Variants in ATG7 observed in about 807,000 individuals in gnomAD.
The protein encoded by ATG7 is autophagy related 7.
ATG7 carries 70 observed loss-of-function variants against 82.4 expected under a neutral mutation model. That is an observed-to-expected ratio of 0.85 (90% CI 0.70 to 1.04). The LOEUF (loss-of-function observed/expected upper bound fraction) is 1.04. Among genes scored for constraint, ATG7 ranks in the 50% least tolerant of loss-of-function variants. The pLI, the probability that ATG7 is intolerant of heterozygous loss-of-function variation, is 0.00. For synonymous variants in ATG7, 287 were observed against 313.0 expected, an observed-to-expected ratio of 0.92 and a Z score of 0.88; for missense variants, 792 against 864.3, an observed-to-expected ratio of 0.92 and a Z score of 1.05.
intron 13 of ATG7, 90 bp downstream of exon 13, chr3:11,342,369 C>T: frequency 7.0e-7 from 1 of 1,438,170 alleles, no homozygotes; most frequent in Admixed American, 2.3e-5. Context: ...CATCTCCCAG[C>T]TCCCCATCCC....
intron 20 of ATG7, among the ~76,000 whole-genome samples, chr3:11,471,845 C>G (rs1414440554): frequency 2.1e-5 from 3 of 143,722 alleles, no homozygotes; most frequent in Non-Finnish European, 4.5e-5. Context: ...TCAAGCGATT[C>G]TCCTGCCTCA....
chr3:11,445,508 C>T (rs1559640079), intron 20 of ATG7, among the ~76,000 whole-genome samples: 1 of 152,076 alleles, frequency 6.6e-6, no homozygotes, highest in Non-Finnish European at 1.5e-5. Flanking sequence ...ATGGGAACAA[C>T]ACACACTAGG....
intron 9 of ATG7, among the ~76,000 whole-genome samples, chr3:11,319,116 A>G (rs1949860158): frequency 6.6e-6 from 1 of 152,198 alleles, no homozygotes; most frequent in South Asian, 2.1e-4. Flanking sequence ...GAGGAAAGAG[A>G]GAGAATTGTG....
chr3:11,377,741 A>G (rs560214253), intron 18 of ATG7, among the ~76,000 whole-genome samples: 1 of 152,326 alleles, frequency 6.6e-6, no homozygotes, highest in African/African-American at 2.4e-5. Context: ...AACTTAATAT[A>G]AAAGTAATTG....
intron 19 of ATG7, among the ~76,000 whole-genome samples, chr3:11,380,660 G>A (rs529344020): frequency 6.6e-6 from 1 of 152,300 alleles, no homozygotes; most frequent in African/African-American, 2.4e-5. Context: ...ATTTTTACAT[G>A]CACACTGTAT....
intron 20 of ATG7, among the ~76,000 whole-genome samples, chr3:11,459,338 T>A (rs1245147565): frequency 2.0e-5 from 3 of 152,212 alleles, no homozygotes; most frequent in Non-Finnish European, 4.4e-5. Flanking sequence ...CTCAGACATA[T>A]GTCTTGGCTG....
At chr3:11,519,219 A>G (rs1472250512) in intron 20 of ATG7, among the ~76,000 whole-genome samples, 2 of 152,184 alleles carry the variant, frequency 1.3e-5, no homozygotes, top group African/African-American at 2.4e-5. Flanking sequence ...CCATGTTTAT[A>G]CCAATGAGTT....
chr3:11,348,140 T>G, intron 14 of ATG7, 105 bp downstream of exon 14: 1 of 1,439,340 alleles, frequency 6.9e-7, no homozygotes, highest in Non-Finnish European at 9.4e-7. Flanking sequence ...TATCTGTCAC[T>G]TTCTACCAGC....
chr3:11,486,871 G>A (rs1304967499), intron 20 of ATG7, among the ~76,000 whole-genome samples: 1 of 139,426 alleles, frequency 7.2e-6, no homozygotes, highest in Non-Finnish European at 1.5e-5. Flanking sequence ...ATTCTTGGGT[G>A]TTTCTCACAG....
intron 18 of ATG7, among the ~76,000 whole-genome samples, chr3:11,377,298 C>T (rs1328591242): frequency 6.6e-6 from 1 of 152,202 alleles, no homozygotes; most frequent in Non-Finnish European, 1.5e-5. Flanking sequence ...TCCTCACACA[C>T]ATATTATTCT....
intron 20 of ATG7, chr3:11,488,239 G>A (rs1342107118): frequency 4.9e-5 from 11 of 224,120 alleles, no homozygotes; most frequent in Non-Finnish European, 7.9e-5. Context: ...CTTCCCAGAC[G>A]GGGTGGCGGC....
rs6806800 is a variant in ATG7 at position 11,390,042 on chromosome 3, G to T, written c.1956+9990G>T. Among the ~76,000 whole-genome samples, 1,521 of 152,330 alleles carry T rather than the reference G, an allele frequency of 1.0e-2. 28 individuals carry two copies. The highest frequency in any genetic ancestry group is 0.032 in the African/African-American group (1,331 of 41,566). ...ACCTTGAAGGGAGAGGGTAACGAAA[G>T]TGGGGATTGAGGCAAGTGGTAATTA... is the stretch of plus-strand genomic sequence containing the variant. On this transcript the variant is annotated intron_variant, in intron 19 of 20. Coordinates refer to ENST00000693202, the MANE Select transcript of ATG7 (RefSeq NM_001349232.2).
intron 1 of ATG7, among the ~76,000 whole-genome samples, chr3:11,276,187 G>T (rs1941754128): frequency 6.6e-6 from 1 of 152,004 alleles, no homozygotes. Context: ...GCTCCACTAA[G>T]TTGCAGCCAT....
At chr3:11,372,148 A>G (rs1323358518) in intron 18 of ATG7, among the ~76,000 whole-genome samples, 1 of 151,244 alleles carries the variant, frequency 6.6e-6, no homozygotes, top group Non-Finnish European at 1.5e-5. Flanking sequence ...TTTCCACTCA[A>G]AGTGCTTGGC....
intron 14 of ATG7, among the ~76,000 whole-genome samples, chr3:11,354,431 C>T (rs1427854187): frequency 6.6e-6 from 1 of 151,966 alleles, no homozygotes; most frequent in East Asian, 1.9e-4. Context: ...GGGTGGATCA[C>T]GAAGTCAAGA....
intron 2 of ATG7, among the ~76,000 whole-genome samples, chr3:11,281,921 T>G (rs1417725350): frequency 1.3e-5 from 2 of 152,104 alleles, no homozygotes; most frequent in Non-Finnish European, 2.9e-5. Flanking sequence ...ACCACAGAGA[T>G]GTAATTATTT....
chr3:11,297,319 C>T (rs1400291552), intron 3 of ATG7, among the ~76,000 whole-genome samples: 1 of 152,182 alleles, frequency 6.6e-6, no homozygotes, highest in African/African-American at 2.4e-5. Flanking sequence ...GATTGTGCCA[C>T]TGTACTGTAG....
At chr3:11,286,205 TA>T (rs1395027174) in intron 3 of ATG7, among the ~76,000 whole-genome samples, 1 of 152,230 alleles carries the variant, frequency 6.6e-6, no homozygotes, top group African/African-American at 2.4e-5. Flanking sequence ...TAAAATGCTA[TA>T]TTAATGACCA....
Position 11,507,961 on chromosome 3 carries a change from A to AC in ATG7, c.2080-46850_2080-46849insC, listed in dbSNP as rs72580742. On this transcript the variant is annotated intron_variant, in intron 20 of 20. Transcript: ENST00000693202. ...GAACCTTGCTGGTAATTAAAAAAAAAACAAAAAAACAAAAAACAAAACAAA... is the reference window on the plus strand; with the variant it reads ...GAACCTTGCTGGTAATTAAAAAAAAACACAAAAAAACAAAAAACAAAACAAA... 1.6e-4 allele frequency among the ~76,000 whole-genome samples: 25 copies of AC among 151,934 alleles called. No homozygotes were observed. The East Asian group carries it at 4.3e-3, about 26-fold the overall frequency.
Sources: gnomAD v4.1 joint callset for allele counts (sites outside exome capture counted in the v4.1 genomes callset) on GRCh38, gnomAD v4.1.1 for gene constraint, MANE v1.5 for transcripts, NCBI Gene and HGNC (gene_info 2026-07-23, HGNC 2026-07-21) for gene names.